Variants in SRRM3 observed in about 807,000 individuals in gnomAD.
SRRM3 encodes serine/arginine repetitive matrix protein 3.
SRRM3 carries 27 observed loss-of-function variants against 66.2 expected under a neutral mutation model. That is an observed-to-expected ratio of 0.41 (90% CI 0.30 to 0.56). SRRM3 has a LOEUF of 0.56. SRRM3 is among the 20% of genes least tolerant of loss of function. The pLI is 0.32. For synonymous variants in SRRM3, 391 were observed against 414.9 expected, an observed-to-expected ratio of 0.94 and a Z score of 0.70; for missense variants, 918 against 991.9, an observed-to-expected ratio of 0.93 and a Z score of 1.00.
At chr7:76,238,994 G>A (rs1392691296) in intron 2 of SRRM3, among the ~76,000 whole-genome samples, 1 of 151,880 alleles carries the variant, frequency 6.6e-6, no homozygotes, top group Non-Finnish European at 1.5e-5. Context: ...CTTGGGTGAG[G>A]CGACAGAGCA....
intron 11 of SRRM3, among the ~76,000 whole-genome samples, chr7:76,277,369 C>T (rs1041621511): frequency 6.6e-6 from 1 of 152,168 alleles, no homozygotes; most frequent in African/African-American, 2.4e-5. Context: ...GTCTTCCTCG[C>T]CTACTGTTGG....
At chr7:76,263,957 G>A (rs1801947423) in intron 8 of SRRM3, among the ~76,000 whole-genome samples, 1 of 148,774 alleles carries the variant, frequency 6.7e-6, no homozygotes, top group East Asian at 2.0e-4. Flanking sequence ...CCCCTGGTGA[G>A]CTGGCCTAGG....
intron 1 of SRRM3, among the ~76,000 whole-genome samples, chr7:76,205,050 C>G (rs537977266): frequency 6.6e-6 from 1 of 152,034 alleles, no homozygotes; most frequent in Non-Finnish European, 1.5e-5. Context: ...ATCTCTGATC[C>G]GCTCCCCTCC....
Position 76,278,474 on chromosome 7 carries a change from G to A in SRRM3, c.1009-2967G>A, listed in dbSNP as rs1028999912. On this transcript the variant is annotated intron_variant, in intron 11 of 14. Transcript: ENST00000611745. ...TGCACTCCAGCCTGGGCAGCAGAGC[G>A]AGACTCTGTCTCAAAAATAATAAAA... Among the ~76,000 whole-genome samples, 5 of 152,116 alleles carry A rather than the reference G, an allele frequency of 3.3e-5. No homozygotes were observed. The East Asian group carries it at 5.8e-4, about 18-fold the overall frequency.
At position 76,286,075 on chromosome 7, in the gene SRRM3, C is replaced by T. The variant is rs965205776; in HGVS notation, c.*232C>T. On this transcript the variant is annotated 3_prime_UTR_variant, in exon 15 of 15. Transcript: ENST00000611745. The stretch of plus-strand genomic sequence containing the variant: ...GGTGTCCTCTCCCACCTCCTGTCCA[C>T]CCACTGTGCCCGGGGAACAAAGAGC... 1.9e-4 allele frequency: 109 copies of T among 584,494 alleles called. No individual in the cohort carries two copies. The East Asian group carries it at 3.2e-3, about 17-fold the overall frequency. 36.2% of individuals were successfully genotyped at this position (584,494 alleles called of 1,614,324 possible). A position where few individuals can be genotyped will look rare whatever the true frequency, so the allele number is the denominator to read the frequency against.
chr7:76,214,795 G>C (rs1202890950), intron 1 of SRRM3, among the ~76,000 whole-genome samples: 1 of 152,114 alleles, frequency 6.6e-6, no homozygotes, highest in African/African-American at 2.4e-5. Flanking sequence ...AAAAAATAGA[G>C]ATGGGGTCTT....
chr7:76,259,712 G>A (rs1353030979), intron 3 of SRRM3, among the ~76,000 whole-genome samples, 194 bp from the exon 4 acceptor site: 1 of 152,190 alleles, frequency 6.6e-6, no homozygotes, highest in Non-Finnish European at 1.5e-5. Context: ...GGGACCTGTA[G>A]GGGATGTGCC....
rs1411707693 is a variant in SRRM3, at chr7:76,286,949, T to TG, written c.*1111dup. ...CTTTGGACCTGACAAGGGAGTACCT[T>TG]GGGGGTCTGATGGGGTCATGGCCAG... On this transcript the variant is annotated 3_prime_UTR_variant, in exon 15 of 15. Coordinates refer to ENST00000611745, the MANE Select transcript of SRRM3 (RefSeq NM_001110199.3). The TG allele has an allele frequency of 6.6e-6, 1 of 152,524 alleles. No individual in the cohort carries two copies. The highest frequency in any genetic ancestry group is 1.5e-5 in the Non-Finnish European group (1 of 68,140). The allele number at this position is 152,524 out of a possible 1,614,324, so 9.4% of individuals were successfully genotyped here.
intron 14 of SRRM3, chr7:76,283,513 T>C (rs782584978): frequency 2.3e-6 from 1 of 444,084 alleles, no homozygotes; most frequent in South Asian, 1.6e-5. Flanking sequence ...CCTTTTCTCC[T>C]TCATCTCAAG....
chr7:76,233,214 G>A (rs1205510899), intron 1 of SRRM3, among the ~76,000 whole-genome samples: 1 of 152,212 alleles, frequency 6.6e-6, no homozygotes, highest in Non-Finnish European at 1.5e-5. Flanking sequence ...GGGAGACTGA[G>A]GTGGGAGGAT....
chr7:76,281,221 C>T (rs1554611830), intron 11 of SRRM3, among the ~76,000 whole-genome samples: 1 of 150,476 alleles, frequency 6.6e-6, no homozygotes, highest in East Asian at 2.0e-4. Flanking sequence ...TCTCTCTCTC[C>T]GTCTCTTTTT....
intron 3 of SRRM3, among the ~76,000 whole-genome samples, chr7:76,257,574 G>A (rs782355492): frequency 1.9e-4 from 29 of 151,646 alleles, no homozygotes; most frequent in Non-Finnish European, 3.1e-4. Context: ...GTCAAGACCA[G>A]CCTGGGCAAC....
chr7:76,230,123 C>T (rs1554604116), intron 1 of SRRM3, among the ~76,000 whole-genome samples: 1 of 152,116 alleles, frequency 6.6e-6, no homozygotes, highest in African/African-American at 2.4e-5. Flanking sequence ...TGAGCCCTCT[C>T]AGGCTGTGTC....
chr7:76,250,774 T>G (rs1424647512), intron 3 of SRRM3, among the ~76,000 whole-genome samples: 5 of 152,098 alleles, frequency 3.3e-5, no homozygotes, highest in Admixed American at 1.3e-4. Flanking sequence ...GACTAATACA[T>G]GTAAAGTGCT....
chr7:76,280,339 A>G (rs868920287), intron 11 of SRRM3, among the ~76,000 whole-genome samples: 1 of 151,772 alleles, frequency 6.6e-6, no homozygotes, highest in Non-Finnish European at 1.5e-5. Context: ...TCTTCGGTTC[A>G]GTTTTGAGTT....
chr7:76,240,902 T>G (rs1205716075), intron 2 of SRRM3, among the ~76,000 whole-genome samples: 2 of 151,858 alleles, frequency 1.3e-5, no homozygotes, highest in African/African-American at 4.8e-5. Context: ...TTTTTTGGTT[T>G]TTTGTTTTTT....
intron 6 of SRRM3, 151 bp from the exon 7 acceptor site, chr7:76,261,201 C>T: frequency 1.5e-6 from 1 of 672,456 alleles, no homozygotes; most frequent in Admixed American, 2.9e-5. Flanking sequence ...ACCCTTGGGG[C>T]CTCGGGTCAC....
chr7:76,262,846 A>AAAAGG (rs577719259), intron 8 of SRRM3, among the ~76,000 whole-genome samples: 55 of 152,082 alleles, frequency 3.6e-4, no homozygotes, highest in Middle Eastern at 3.4e-3. Context: ...GAAAGAAAAG[A>AAAAGG]AAAGGAAAGG....
intron 1 of SRRM3, among the ~76,000 whole-genome samples, chr7:76,209,781 GT>G (rs1333919206): frequency 6.6e-6 from 1 of 151,850 alleles, no homozygotes; most frequent in Non-Finnish European, 1.5e-5. Flanking sequence ...ATTTTTTAAT[GT>G]TTTTTTAGAG....
Sources: allele counts gnomAD v4.1 joint callset (sites outside exome capture counted in the v4.1 genomes callset), GRCh38; gene constraint gnomAD v4.1.1; transcripts MANE v1.5; gene names NCBI Gene and HGNC (gene_info 2026-07-23, HGNC 2026-07-21).